The following NAALADL2 variants were observed in gnomAD, a reference collection of about 807,000 sequenced individuals.
The protein encoded by NAALADL2 is inactive N-acetylated-alpha-linked acidic dipeptidase-like protein 2.
NAALADL2 carries 76 observed loss-of-function variants against 87.2 expected under a neutral mutation model. The observed-to-expected ratio is 0.87, with a 90% confidence interval of 0.72 to 1.05. The LOEUF is 1.05. NAALADL2 is among the 50% of genes least tolerant of loss of function. The pLI is 0.00. For missense variants in NAALADL2, 1,089 were observed against 945.8 expected, an observed-to-expected ratio of 1.15 and a Z score of -1.99; for synonymous variants, 354 against 331.0, an observed-to-expected ratio of 1.07 and a Z score of -0.75.
intron 6 of NAALADL2, among the ~76,000 whole-genome samples, chr3:175,462,033 A>G (rs1239714934): frequency 6.6e-6 from 1 of 152,168 alleles, no homozygotes; most frequent in Non-Finnish European, 1.5e-5. Flanking sequence ...ATGGATATAC[A>G]CCATTATGCA....
chr3:175,102,314 C>T (rs1250209270), intron 2 of NAALADL2, among the ~76,000 whole-genome samples: 1 of 152,140 alleles, frequency 6.6e-6, no homozygotes, highest in Non-Finnish European at 1.5e-5. Context: ...TGCTTTGTGT[C>T]ACCAAATGGT....
In NAALADL2 at chr3:174,592,159, TTA is replaced by T. The variant is rs1045558926; in HGVS notation, c.-115+41524_-115+41525del. Among the ~76,000 whole-genome samples, 42 of 152,278 alleles carry T rather than the reference TTA, an allele frequency of 2.8e-4. 1 individual carries two copies. The highest frequency in any genetic ancestry group is 1.6e-3 in the Admixed American group (25 of 15,288). On this transcript the variant is annotated intron_variant, in intron 2 of 3. Coordinates refer to the NAALADL2 transcript ENST00000434257. The stretch of plus-strand genomic sequence containing the variant: ...TTGTGAAGAAAGATGGCCTAGTATT[TTA>T]TGTCATACAGGCTGATGGAACTATA...
intron 1 of NAALADL2, among the ~76,000 whole-genome samples, chr3:175,062,128 G>C (rs1713631227): frequency 6.6e-6 from 1 of 152,138 alleles, no homozygotes; most frequent in South Asian, 2.1e-4. Flanking sequence ...ATGAAGAGAG[G>C]ATAAATGTCT....
chr3:175,106,786 C>T (rs763022718), intron 2 of NAALADL2, among the ~76,000 whole-genome samples: 9 of 151,998 alleles, frequency 5.9e-5, no homozygotes, highest in East Asian at 1.9e-4. Flanking sequence ...AATCCTAATC[C>T]ATGCTTTAGA....
chr3:175,593,122 G>T (rs1721757848), intron 10 of NAALADL2, among the ~76,000 whole-genome samples: 1 of 151,938 alleles, frequency 6.6e-6, no homozygotes, highest in African/African-American at 2.4e-5. Flanking sequence ...TAGGTATTAA[G>T]CTCCGTATGC....
chr3:174,451,840 G>A (rs1715499945), intron 1 of NAALADL2, among the ~76,000 whole-genome samples: 1 of 142,094 alleles, frequency 7.0e-6, no homozygotes, highest in African/African-American at 2.6e-5. Context: ...AAGGATAGTG[G>A]GAGTTTTTTT....
chr3:175,518,033 T>C (rs963362482), intron 9 of NAALADL2, among the ~76,000 whole-genome samples: 11 of 152,186 alleles, frequency 7.2e-5, no homozygotes, highest in African/African-American at 2.4e-4. Flanking sequence ...GGAGAGAAGA[T>C]GGAGCTGCCG....
intron 1 of NAALADL2, among the ~76,000 whole-genome samples, chr3:174,899,300 A>C (rs1442518638): frequency 6.6e-6 from 1 of 152,148 alleles, no homozygotes; most frequent in African/African-American, 2.4e-5. Context: ...AGAGATAATT[A>C]TTTGCATATG....
rs901024203 is a variant in NAALADL2 at position 174,831,984 on chromosome 3, T to C, written c.-9+94238T>C. ...CTTTATCATTTTTTATTGCGTCTAT[T>C]TGATTCTTCTCTCTTTTTTTCTTTA... On this transcript the variant is annotated intron_variant, in intron 3 of 3. Coordinates refer to the NAALADL2 transcript ENST00000434257. Among the ~76,000 whole-genome samples, 116 of 152,150 alleles carry C rather than the reference T, an allele frequency of 7.6e-4. 1 individual carries two copies. Among genetic ancestry groups the C allele is most frequent in the African/African-American group, 2.7e-3 (112 of 41,480 alleles).
In NAALADL2 at chr3:175,627,312, G is replaced by A. The variant is rs752378938; in HGVS notation, c.1822G>A (p.Ala608Thr). 1.3e-6 allele frequency: 2 copies of A among 1,568,082 alleles called. No individual in the cohort carries two copies. Among genetic ancestry groups the A allele is most frequent in the South Asian group, 1.2e-5 (1 of 85,506 alleles). ...GCAGGGTCCAAGTTTTCTCTCCGAG[G>A]CCCGTTTTTCTACACGAGCAACAAA... is the stretch of plus-strand genomic sequence containing the variant. ...TLEGPSFLSE[A>T]RFSTRATKIE... The change falls in exon 11 of 14, where the codon GCC (alanine) becomes ACC (threonine). Residue 608 changes from alanine to threonine, a missense_variant. Transcript: ENST00000454872.
chr3:175,402,565 A>T (rs990797617), intron 5 of NAALADL2, among the ~76,000 whole-genome samples: 1 of 152,116 alleles, frequency 6.6e-6, no homozygotes, highest in African/African-American at 2.4e-5. Flanking sequence ...ATCTATAATT[A>T]TATAAACAGG....
At chr3:175,628,609 C>CTG (rs10663163) in intron 11 of NAALADL2, among the ~76,000 whole-genome samples, 4 of 132,250 alleles carry the variant, frequency 3.0e-5, no homozygotes, top group Non-Finnish European at 6.4e-5. Context: ...AATAATCTCT[C>CTG]TCTCTATGTA....
intron 4 of NAALADL2, among the ~76,000 whole-genome samples, chr3:175,281,179 T>C (rs968215704): frequency 1.2e-4 from 18 of 151,528 alleles, no homozygotes; most frequent in African/African-American, 4.3e-4. Flanking sequence ...TCAATACATT[T>C]AGTTATTTTT....
intron 10 of NAALADL2, among the ~76,000 whole-genome samples, chr3:175,585,568 T>G (rs1010495194): frequency 3.9e-5 from 6 of 152,194 alleles, no homozygotes; most frequent in Admixed American, 6.5e-5. Flanking sequence ...AATGTTTCCT[T>G]GTAGTAGTTT....
At chr3:175,329,525 A>G (rs1761144205) in intron 5 of NAALADL2, among the ~76,000 whole-genome samples, 1 of 152,246 alleles carries the variant, frequency 6.6e-6, no homozygotes, top group South Asian at 2.1e-4. Flanking sequence ...AACTAAGACA[A>G]TGTTGAACCA....
chr3:174,820,275 T>A (rs1247389014), intron 3 of NAALADL2, among the ~76,000 whole-genome samples: 1 of 152,198 alleles, frequency 6.6e-6, no homozygotes, highest in African/African-American at 2.4e-5. Context: ...AATTAGTTGA[T>A]CAAAATTTAT....
chr3:174,603,894 T>C (rs1308931420), intron 2 of NAALADL2, among the ~76,000 whole-genome samples: 2 of 152,168 alleles, frequency 1.3e-5, no homozygotes, highest in Non-Finnish European at 2.9e-5. Context: ...TGTTATTCAT[T>C]TCTACTTTTA....
chr3:175,191,700 GTTTTA>G (rs1738235968), intron 2 of NAALADL2, among the ~76,000 whole-genome samples: 1 of 152,184 alleles, frequency 6.6e-6, no homozygotes, highest in Non-Finnish European at 1.5e-5. Flanking sequence ...ACGCATTTTG[GTTTTA>G]TTTTATAGCA....
chr3:174,835,138 A>C (rs951217994), intron 3 of NAALADL2, among the ~76,000 whole-genome samples: 9 of 152,210 alleles, frequency 5.9e-5, no homozygotes, highest in African/African-American at 1.9e-4. Context: ...ATAAATGTAC[A>C]CATATATAGT....
Sources: gnomAD v4.1 joint callset for allele counts (sites outside exome capture counted in the v4.1 genomes callset) on GRCh38, gnomAD v4.1.1 for gene constraint, MANE v1.5 for transcripts, NCBI Gene and HGNC (gene_info 2026-07-23, HGNC 2026-07-21) for gene names.